MTA1: variants seen among roughly 807,000 people sequenced by gnomAD.
MTA1 encodes the protein metastasis associated 1.
In MTA1, 15 loss-of-function variants were observed where a neutral mutation model predicts 97.0. The ratio of observed to expected loss-of-function variants is 0.15; its 90% CI spans 0.10 to 0.24. MTA1 has a LOEUF of 0.24. Ranked by LOEUF, MTA1 falls within the 10% of genes least tolerant of loss-of-function variation. The pLI, the probability that MTA1 is intolerant of heterozygous loss-of-function variation, is 1.00. For missense variants in MTA1, 709 were observed against 1,015.1 expected, an observed-to-expected ratio of 0.70 and a Z score of 4.10; for synonymous variants, 435 against 417.5, an observed-to-expected ratio of 1.04 and a Z score of -0.51.
rs587699721 is a variant in MTA1 at position 105,443,472 on chromosome 14, A to G, written c.97-1946A>G. ...TTGCAGCCTTGACCTCCCAGGCCCA[A>G]GTGATCCTCTCACCTCAGCCTCCCA... On this transcript the variant is annotated intron_variant, in intron 2 of 20. Transcript: ENST00000331320. Among the ~76,000 whole-genome samples the G allele has an allele frequency of 1.7e-3, 254 of 152,274 alleles. 1 individual carries two copies. Among genetic ancestry groups the G allele is most frequent in the African/African-American group, 5.8e-3 (241 of 41,546 alleles).
At chr14:105,430,370 AAC>A (rs1480561619) in intron 1 of MTA1, among the ~76,000 whole-genome samples, 2 of 152,142 alleles carry the variant, frequency 1.3e-5, no homozygotes, top group Non-Finnish European at 2.9e-5. Context: ...GGGCAGTCGG[AAC>A]ACACACATTT....
chr14:105,435,702 T>A (rs1422389179), intron 1 of MTA1, among the ~76,000 whole-genome samples: 5 of 152,234 alleles, frequency 3.3e-5, no homozygotes, highest in Non-Finnish European at 7.3e-5. Context: ...GGCGCAGAGT[T>A]CTTGTTGTTG....
chr14:105,422,063 G>A lies in MTA1; in HGVS notation c.28+2000G>A, dbSNP rs2081855759. On this transcript the variant is annotated intron_variant, in intron 1 of 20. Transcript: ENST00000331320. The surrounding 1 kb of genome is among the most constrained non-coding windows in gnomAD (Gnocchi z 4.3). The stretch of plus-strand genomic sequence containing the variant: ...CACAGCCACGCGTGGGATCCAGACT[G>A]CTTCTGCGTGTGCAGTCCGTGGTCA... Among the ~76,000 whole-genome samples the A allele has an allele frequency of 6.6e-6, 1 of 152,234 alleles. No homozygotes were observed. The highest frequency in any genetic ancestry group is 2.4e-5 in the African/African-American group (1 of 41,464).
At chr14:105,451,483 G>T (rs1276646141) in intron 6 of MTA1, among the ~76,000 whole-genome samples, 1 of 152,252 alleles carries the variant, frequency 6.6e-6, no homozygotes, top group Non-Finnish European at 1.5e-5. Context: ...CATGCTGGGC[G>T]GGAGCAGAGG....
rs1164967046 is a variant in MTA1 at position 105,470,072 on chromosome 14, C to T, written c.2005C>T (p.Arg669Cys). Residue 669 changes from arginine (R) to cysteine (C), a missense_variant, in exon 21 of 21, where the codon CGC becomes TGC. Arg to Cys is a radical substitution (Grantham distance 180). Coordinates refer to ENST00000331320, the MANE Select transcript of MTA1 (RefSeq NM_004689.4). Reference protein sequence around the residue: ...YMATEETRKIRKLLSSSETKR... With the variant: ...YMATEETRKICKLLSSSETKR... ...CACCACCTCTGCCCACAGGAAGATC[C>T]GCAAGCTGCTCTCATCCTCGGAAAC... The T allele has an allele frequency of 1.9e-6, 3 of 1,612,624 alleles. No individual in the cohort carries two copies. Among genetic ancestry groups the T allele is most frequent in the East Asian group, 2.2e-5 (1 of 44,878 alleles).
rs781916145 is a variant in MTA1 at position 105,469,455 on chromosome 14, A to G, written c.1814-12A>G. 9 of 1,612,638 alleles carry G rather than the reference A, an allele frequency of 5.6e-6. No individual in the cohort carries two copies. The South Asian group carries it at 6.6e-5, about 12-fold the overall frequency. ...TCTCGGGGCCTCATTTCTCTCCTCC[A>G]TTTCTCATCAGGTCTGGCAAACCAC... On this transcript the variant is annotated splice_polypyrimidine_tract_variant and intron_variant, in intron 18 of 20. Coordinates refer to ENST00000331320, the MANE Select transcript of MTA1 (RefSeq NM_004689.4).
chr14:105,458,126 C>A lies in MTA1; in HGVS notation c.551-144C>A, dbSNP rs587642762. On this transcript the variant is annotated intron_variant, in intron 7 of 20. Transcript: ENST00000331320. Reference sequence around the variant, plus strand: ...GCCTGTGTGTGCAACAGCCTCCGTCCAGCCTTGCACCCTGGCCTCACCTAT... The same window carrying A: ...GCCTGTGTGTGCAACAGCCTCCGTCAAGCCTTGCACCCTGGCCTCACCTAT... 5 of 650,308 alleles carry A rather than the reference C, an allele frequency of 7.7e-6. No homozygotes were observed. In the East Asian group the frequency reaches 1.1e-4, roughly 14 times the overall value. The allele number at this position is 650,308 out of a possible 1,614,324, so 40.3% of individuals were successfully genotyped here. A position where few individuals can be genotyped will look rare whatever the true frequency, so the allele number is the denominator to read the frequency against.
At chr14:105,439,917 G>C (rs1321826921) in intron 2 of MTA1, among the ~76,000 whole-genome samples, 4 of 152,160 alleles carry the variant, frequency 2.6e-5, no homozygotes, top group Non-Finnish European at 5.9e-5. Context: ...GGGATCAGAG[G>C]GGGCAGCGGG....
Position 105,445,489 on chromosome 14 carries a change from C to G in MTA1, c.168C>G (p.Ile56Met). 6.2e-7 allele frequency: 1 copy of G among 1,613,422 alleles called. No individual in the cohort carries two copies. Among genetic ancestry groups the G allele is most frequent in the Non-Finnish European group, 8.5e-7 (1 of 1,179,924 alleles). The change falls in exon 3 of 21, where the codon ATC becomes ATG. Residue 56 changes from isoleucine to methionine, a missense_variant. This residue lies in a region of MTA1 where 321 missense variants were observed against 593.5 expected (regional missense o/e 0.54). Transcript: ENST00000331320. ...GGCGGGACATCTCCAGCACCCTCAT[C>G]GCCCTGGCCGACAAGCACGCAAGTG... ...YRRRDISSTL[I>M]ALADKHATLS...
intron 4 of MTA1, among the ~76,000 whole-genome samples, chr14:105,449,782 C>T (rs1192466348): frequency 6.6e-6 from 1 of 152,214 alleles, no homozygotes; most frequent in Non-Finnish European, 1.5e-5. Context: ...CCTTGTTCTC[C>T]CTCCTCCTTC....
chr14:105,464,995 C>T lies in MTA1; in HGVS notation c.1535-99C>T. On this transcript the variant is annotated intron_variant, in intron 15 of 20. Transcript: ENST00000331320. Reference sequence around the variant, plus strand: ...AGCCCCACGTCCTCCTCGGTGCTGACATGGCCGAGCCCAGTGAGGGCTCCC... The same window carrying T: ...AGCCCCACGTCCTCCTCGGTGCTGATATGGCCGAGCCCAGTGAGGGCTCCC... The T allele has an allele frequency of 2.1e-6, 3 of 1,424,824 alleles. No homozygotes were observed. The South Asian group carries it at 4.3e-5, about 20-fold the overall frequency. The allele number at this position is 1,424,824 out of a possible 1,614,324, so 88.3% of individuals were successfully genotyped here.
At position 105,439,999 on chromosome 14, in the gene MTA1, G is replaced by A. The variant is rs1423697549; in HGVS notation, c.96+1260G>A. ...GCTTCCCTGGCTGCGCTTGTCGAGG[G>A]CCATTCCCTGCGGTATCTGCCACCA... On this transcript the variant is annotated intron_variant, in intron 2 of 20. Transcript: ENST00000331320. Among the ~76,000 whole-genome samples, 5 of 152,200 alleles carry A rather than the reference G, an allele frequency of 3.3e-5. No individual in the cohort carries two copies. In the East Asian group the frequency reaches 7.7e-4, roughly 23 times the overall value.
intron 1 of MTA1, among the ~76,000 whole-genome samples, chr14:105,432,302 G>A (rs1018005324): frequency 6.6e-6 from 1 of 152,076 alleles, no homozygotes; most frequent in South Asian, 2.1e-4. Context: ...GTGCAGTGGC[G>A]TGATCTCGGC....
At position 105,463,261 on chromosome 14, in the gene MTA1, G is replaced by A. The variant is rs782270720; in HGVS notation, c.1017+3G>A. The A allele has an allele frequency of 8.7e-6, 14 of 1,606,282 alleles. No individual in the cohort carries two copies. Among genetic ancestry groups the A allele is most frequent in the Non-Finnish European group, 9.3e-6 (11 of 1,178,092 alleles). On this transcript the variant is annotated splice_donor_region_variant and intron_variant, in intron 11 of 20. Coordinates refer to ENST00000331320, the MANE Select transcript of MTA1 (RefSeq NM_004689.4). This position sits in a 1 kb window ranked among gnomAD's most constrained non-coding sequence, Gnocchi z 5.9. ...CCACCGACAGATACGTGCAGCAGGT[G>A]AGCCCGCCCGCCACTCAGTGCCCGG...
rs1555420550 is a variant in MTA1, at chr14:105,420,391, G to A, written c.28+328G>A. ...GGGTCCGGGGCCGGGAGCCCCCAGC[G>A]GGAGCACGTGGCCTTGGGAGGCGCC... On this transcript the variant is annotated intron_variant, in intron 1 of 20. Transcript: ENST00000331320. This position sits in a 1 kb window ranked among gnomAD's most constrained non-coding sequence, Gnocchi z 5.3. Among the ~76,000 whole-genome samples, 2 of 151,954 alleles carry A rather than the reference G, an allele frequency of 1.3e-5. No homozygotes were observed. The highest frequency in any genetic ancestry group is 2.9e-5 in the Non-Finnish European group (2 of 67,932).
At chr14:105,466,206 C>T (rs1435627233) in intron 16 of MTA1, 4 of 584,770 alleles carry the variant, frequency 6.8e-6, no homozygotes, top group Non-Finnish European at 1.2e-5. Context: ...CCCTGGGGTG[C>T]GGGACTGGCC....
In MTA1 at chr14:105,470,483, G is replaced by A. The variant is rs1397655901; in HGVS notation, c.*268G>A. On this transcript the variant is annotated 3_prime_UTR_variant, in exon 21 of 21. Coordinates refer to ENST00000331320, the MANE Select transcript of MTA1 (RefSeq NM_004689.4). ...GGGCCACCCCGTGCCCCTGTGCTGC[G>A]GGGCCTTTTGCCCGGAGGCCGGGCC... The A allele has an allele frequency of 9.9e-6, 4 of 405,538 alleles. No homozygotes were observed. Among genetic ancestry groups the A allele is most frequent in the African/African-American group, 4.3e-5 (2 of 46,568 alleles). The allele number at this position is 405,538 out of a possible 1,614,324, so 25.1% of individuals were successfully genotyped here.
chr14:105,469,913 C>T lies in MTA1; in HGVS notation c.1918C>T (p.Leu640=). ...TKVRLIRGGS[L]PPVKRRRMNW... is the part of the protein sequence containing the mutation. ...AGTGCGCCTGATCCGGGGGGGCTCC[C>T]TGCCCCCAGTCAAGCGGCGGCGGAT... Residue 640 remains leucine (L), a synonymous_variant, in exon 20 of 21, where the codon CTG becomes TTG. Coordinates refer to ENST00000331320, the MANE Select transcript of MTA1 (RefSeq NM_004689.4). The T allele has an allele frequency of 6.2e-7, 1 of 1,612,006 alleles. No homozygotes were observed. The highest frequency in any genetic ancestry group is 1.7e-4 in the Middle Eastern group (1 of 6,056).
chr14:105,427,742 G>A (rs1175488652), intron 1 of MTA1, among the ~76,000 whole-genome samples: 4 of 152,024 alleles, frequency 2.6e-5, no homozygotes, highest in Non-Finnish European at 5.9e-5. Flanking sequence ...GGTTTAGGCC[G>A]GGCATGGTGG....
Sources: gnomAD v4.1 joint callset for allele counts (sites outside exome capture counted in the v4.1 genomes callset) on GRCh38, gnomAD v4.1.1 for gene constraint, gnomAD v4.1.1 regional missense constraint, Gnocchi (gnomAD v3.1) non-coding constraint, MANE v1.5 for transcripts, NCBI Gene and HGNC (gene_info 2026-07-23, HGNC 2026-07-21) for gene names.